RIN3: variants seen among roughly 807,000 people sequenced by gnomAD.
The protein encoded by RIN3 is Ras and Rab interactor 3.
RIN3 carries 54 observed loss-of-function variants against 76.3 expected under a neutral mutation model. That is an observed-to-expected ratio of 0.71 (90% CI 0.57 to 0.89). The LOEUF is 0.89. Ranked by LOEUF, RIN3 falls within the 40% of genes least tolerant of loss-of-function variation. RIN3 has a pLI of 0.00. For synonymous variants in RIN3, 576 were observed against 564.0 expected (o/e 1.02, Z -0.30); for missense variants, 1,256 against 1,322.1 (o/e 0.95, Z 0.78).
At chr14:92,647,109 T>G (rs1168074620) in intron 5 of RIN3, among the ~76,000 whole-genome samples, 1 of 152,210 alleles carries the variant, frequency 6.6e-6, no homozygotes, top group Non-Finnish European at 1.5e-5. Context: ...ATGAGAAGAA[T>G]GCAACAAATG....
chr14:92,641,453 ACCCCT>A (rs1402558054), intron 5 of RIN3, 124 bp downstream of exon 5: 1 of 678,186 alleles, frequency 1.5e-6, no homozygotes, highest in Non-Finnish European at 2.6e-6. Context: ...GACCACCCAC[ACCCCT>A]GCCTCAGGCT....
chr14:92,626,231 G>T (rs1266030464), intron 4 of RIN3, among the ~76,000 whole-genome samples: 1 of 152,114 alleles, frequency 6.6e-6, no homozygotes, highest in Non-Finnish European at 1.5e-5. Context: ...GGAATTTCTG[G>T]TCTGCTGCAG....
intron 7 of RIN3, among the ~76,000 whole-genome samples, chr14:92,673,799 C>G (rs931786347): frequency 5.9e-5 from 9 of 152,230 alleles, no homozygotes; most frequent in African/African-American, 1.7e-4. Flanking sequence ...AGCCACCGCG[C>G]CCGGCCGCCA....
At chr14:92,581,560 ACTGT>A (rs1419587156) in intron 3 of RIN3, among the ~76,000 whole-genome samples, 2 of 152,110 alleles carry the variant, frequency 1.3e-5, no homozygotes, top group Non-Finnish European at 2.9e-5. Context: ...GGACCAGCAG[ACTGT>A]CTGAACGTTC....
chr14:92,592,350 G>A (rs372585256), intron 3 of RIN3, among the ~76,000 whole-genome samples: 3 of 148,924 alleles, frequency 2.0e-5, no homozygotes, highest in African/African-American at 2.5e-5. Context: ...GCAGTGAGCC[G>A]AGATCAGGCC....
At position 92,685,486 on chromosome 14, in the gene RIN3, C is replaced by G. The variant is rs1482002850; in HGVS notation, c.2631+336C>G. 1 of 260,540 alleles carries G rather than the reference C, an allele frequency of 3.8e-6. No individual in the cohort carries two copies. The highest frequency in any genetic ancestry group is 7.5e-6 in the Non-Finnish European group (1 of 133,098). The allele number at this position is 260,540 out of a possible 1,614,324, so 16.1% of individuals were successfully genotyped here. ...GGGCTGGAGATGGGGACTTGTCATC[C>G]CAGTCCCTGCTTTAAGGAGCCCACA... On this transcript the variant is annotated intron_variant, in intron 9 of 9. Coordinates refer to ENST00000216487, the MANE Select transcript of RIN3 (RefSeq NM_024832.5). This position sits in a 1 kb window ranked among gnomAD's most constrained non-coding sequence, Gnocchi z 4.7.
chr14:92,540,788 C>T (rs1415974826), intron 1 of RIN3, among the ~76,000 whole-genome samples: 5 of 152,196 alleles, frequency 3.3e-5, no homozygotes, highest in Non-Finnish European at 7.4e-5. Context: ...GAAGAGAAGC[C>T]TTCAGGTGGC....
intron 4 of RIN3, among the ~76,000 whole-genome samples, chr14:92,626,025 T>G (rs1886340697): frequency 6.6e-6 from 1 of 152,222 alleles, no homozygotes; most frequent in Non-Finnish European, 1.5e-5. Flanking sequence ...ATCTGCATAT[T>G]TCCTTATTTG....
chr14:92,664,584 A>T (rs59002737), intron 7 of RIN3, among the ~76,000 whole-genome samples: 2 of 150,774 alleles, frequency 1.3e-5, no homozygotes, highest in African/African-American at 4.9e-5. Context: ...GTTGCCCAGG[A>T]TGGTCTCGAT....
At chr14:92,570,789 T>C (rs890163541) in intron 2 of RIN3, among the ~76,000 whole-genome samples, 21 of 152,128 alleles carry the variant, frequency 1.4e-4, no homozygotes, top group African/African-American at 4.6e-4. Flanking sequence ...AAGGTGAAGT[T>C]AAGGTTTTAC....
chr14:92,598,026 T>A (rs1437099803), intron 3 of RIN3, among the ~76,000 whole-genome samples: 1 of 152,162 alleles, frequency 6.6e-6, no homozygotes, highest in African/African-American at 2.4e-5. Flanking sequence ...TTCTATTGCC[T>A]CTCTCCTTGG....
At chr14:92,529,464 G>C (rs762667567) in intron 1 of RIN3, among the ~76,000 whole-genome samples, 3 of 152,026 alleles carry the variant, frequency 2.0e-5, no homozygotes, top group Non-Finnish European at 2.9e-5. Context: ...TGGCCAGACT[G>C]GTCTTGAACT....
At chr14:92,553,148 G>A (rs918545770) in intron 1 of RIN3, among the ~76,000 whole-genome samples, 22 of 152,056 alleles carry the variant, frequency 1.4e-4, no homozygotes, top group African/African-American at 5.3e-4. Context: ...CCTTGAGGGG[G>A]AAAGGACTTG....
intron 3 of RIN3, among the ~76,000 whole-genome samples, chr14:92,613,141 A>AAGG (rs1885811207): frequency 6.6e-6 from 1 of 152,280 alleles, no homozygotes; most frequent in Admixed American, 6.5e-5. Flanking sequence ...ATTCCTGAGG[A>AAGG]AGGTCCTTCC....
chr14:92,535,102 G>C (rs34071903), intron 1 of RIN3, among the ~76,000 whole-genome samples: 43,955 of 151,966 alleles, frequency 0.29, 7,261 homozygotes, highest in Middle Eastern at 0.45. Context: ...TTCAATTTAC[G>C]ATTCCCCGAT....
At chr14:92,525,285 C>T (rs1349987443) in intron 1 of RIN3, among the ~76,000 whole-genome samples, 1 of 152,234 alleles carries the variant, frequency 6.6e-6, no homozygotes, top group Admixed American at 6.5e-5. Flanking sequence ...CCTGTGGCAG[C>T]TCATTCTGTG....
At chr14:92,615,546 G>A in intron 4 of RIN3, 67 bp downstream of exon 4, 3 of 1,371,508 alleles carry the variant, frequency 2.2e-6, no homozygotes, top group Non-Finnish European at 2.1e-6. Context: ...CCCTGGGTGG[G>A]TGCAGGGGAC....
intron 1 of RIN3, among the ~76,000 whole-genome samples, chr14:92,552,673 A>G (rs1897462294): frequency 6.6e-6 from 1 of 152,120 alleles, no homozygotes; most frequent in South Asian, 2.1e-4. Context: ...AGATACCTGC[A>G]GCCAGGCACT....
rs1595514584 is a variant in RIN3, at chr14:92,688,321, G to A, written c.*69G>A. On this transcript the variant is annotated 3_prime_UTR_variant, in exon 10 of 10. Coordinates refer to ENST00000216487, the MANE Select transcript of RIN3 (RefSeq NM_024832.5). ...GCCCCGCCTCTGGCTGCGCACTCCCGACCGCGACGTCCACGCAGCAGAGGG... is the reference window on the plus strand; with the variant it reads ...GCCCCGCCTCTGGCTGCGCACTCCCAACCGCGACGTCCACGCAGCAGAGGG... 1 of 1,381,244 alleles carries A rather than the reference G, an allele frequency of 7.2e-7. No homozygotes were observed. Among genetic ancestry groups the A allele is most frequent in the East Asian group, 2.5e-5 (1 of 39,726 alleles). 85.6% of individuals were successfully genotyped at this position (1,381,244 alleles called of 1,614,324 possible).
Sources: gnomAD v4.1 joint callset for allele counts (sites outside exome capture counted in the v4.1 genomes callset) on GRCh38, gnomAD v4.1.1 for gene constraint, Gnocchi (gnomAD v3.1) non-coding constraint, MANE v1.5 for transcripts, NCBI Gene and HGNC (gene_info 2026-07-23, HGNC 2026-07-21) for gene names.